Variants in ZNF469 observed in about 807,000 individuals in gnomAD.
ZNF469 encodes the protein zinc finger protein 469.
ZNF469 carries 1 observed loss-of-function variant against 1.0 expected under a neutral mutation model. The ratio of observed to expected loss-of-function variants is 1.00; its 90% CI spans 0.35 to 4.73. The LOEUF is 4.73. Among genes scored for constraint, ZNF469 ranks in the 30% most tolerant of loss-of-function variants. The pLI is 0.16. For synonymous variants in ZNF469, 2,703 were observed against 2,363.4 expected, an observed-to-expected ratio of 1.14 and a Z score of -4.17; for missense variants, 6,100 against 5,356.3, an observed-to-expected ratio of 1.14 and a Z score of -4.33.
the ZNF469 span, among the ~76,000 whole-genome samples, chr16:88,116,408 G>C: frequency 3.2e-4 from 48 of 152,208 alleles, no homozygotes; most frequent in Non-Finnish European, 2.4e-4. Flanking sequence ...TTGCTGGCAG[G>C]AATGCAAATG....
At chr16:88,247,634 G>A in the ZNF469 span, among the ~76,000 whole-genome samples, 2 of 151,166 alleles carry the variant, frequency 1.3e-5, no homozygotes, top group African/African-American at 2.4e-5. Flanking sequence ...ATGAGTGAGA[G>A]TGAATGAGTG....
At chr16:88,180,201 A>C in the ZNF469 span, among the ~76,000 whole-genome samples, 9 of 152,242 alleles carry the variant, frequency 5.9e-5, no homozygotes, top group Admixed American at 5.9e-4. Flanking sequence ...GACAAATACA[A>C]AATAAATGTC....
the ZNF469 span, among the ~76,000 whole-genome samples, chr16:88,322,830 C>T: frequency 1.3e-5 from 2 of 152,206 alleles, no homozygotes; most frequent in Non-Finnish European, 2.9e-5. Flanking sequence ...TGGCCCAGGA[C>T]TTGGGGGCCA....
At position 88,434,902 on chromosome 16, in the gene ZNF469, G is replaced by T. The variant is rs528848596; in HGVS notation, c.7432G>T (p.Ala2478Ser). ...TGGGCCTGTGACCTGTGAGGTCTGC[G>T]CAGCCTCCTTCCGCTCCGGGCCGGG... ...PHGPVTCEVC[A>S]ASFRSGPGLS... Residue 2478 changes from alanine (A) to serine (S), a missense_variant, in exon 3 of 3, where the codon GCA (alanine) becomes TCA (serine). By Grantham distance (99) the Ala-to-Ser change is moderately conservative. Transcript: ENST00000565624. The T allele has an allele frequency of 3.2e-6, 5 of 1,550,286 alleles. No homozygotes were observed. The highest frequency in any genetic ancestry group is 1.2e-5 in the South Asian group (1 of 84,064).
chr16:88,387,067 C>T (rs1904349861), intron 1 of ZNF469, among the ~76,000 whole-genome samples: 1 of 152,288 alleles, frequency 6.6e-6, no homozygotes, highest in African/African-American at 2.4e-5. Context: ...AGTCTATACT[C>T]TGCTTGTCGG....
rs1453263274 is a variant in ZNF469 at position 88,431,261 on chromosome 16, T to C, written c.3791T>C (p.Ile1264Thr). 1.3e-6 allele frequency: 2 copies of C among 1,550,192 alleles called. No individual in the cohort carries two copies. Among genetic ancestry groups the C allele is most frequent in the Non-Finnish European group, 1.7e-6 (2 of 1,146,960 alleles). Reference sequence around the variant, plus strand: ...ATGGGAGCAAGCCCCGGTCTCCTGATACCAGAGCAGCCGCCGCCCAGCAGA... The same window carrying C: ...ATGGGAGCAAGCCCCGGTCTCCTGACACCAGAGCAGCCGCCGCCCAGCAGA... ...GEMGASPGLL[I>T]PEQPPPSRHD... Residue 1264 changes from isoleucine (I) to threonine (T), a missense_variant, in exon 3 of 3, where the codon ATA becomes ACA. Ile to Thr is a moderately conservative substitution (Grantham distance 89). Coordinates refer to ENST00000565624, the MANE Select transcript of ZNF469 (RefSeq NM_001367624.2).
At chr16:88,151,734 C>T in the ZNF469 span, among the ~76,000 whole-genome samples, 5 of 152,208 alleles carry the variant, frequency 3.3e-5, no homozygotes, top group Admixed American at 6.5e-5. This position sits in a 1 kb window ranked among gnomAD's most constrained non-coding sequence, Gnocchi z 5.4. Flanking sequence ...ACCTGCTGGT[C>T]GAGAAGGATC....
chr16:88,396,098 G>T (rs1409386571), intron 1 of ZNF469, among the ~76,000 whole-genome samples: 1 of 152,250 alleles, frequency 6.6e-6, no homozygotes, highest in Non-Finnish European at 1.5e-5. Context: ...CTCTCAGTGT[G>T]ACGGTCAAGC....
At chr16:88,108,071 T>G in the ZNF469 span, among the ~76,000 whole-genome samples, 1 of 152,016 alleles carries the variant, frequency 6.6e-6, no homozygotes, top group Non-Finnish European at 1.5e-5. Flanking sequence ...TTTTGTGCCC[T>G]TCTCTTTGAA....
At chr16:88,407,376 G>A (rs1905052040) in intron 1 of ZNF469, among the ~76,000 whole-genome samples, 1 of 152,252 alleles carries the variant, frequency 6.6e-6, no homozygotes, top group South Asian at 2.1e-4. Context: ...TTACGCGAAG[G>A]AAGGAGCAAG....
At chr16:88,349,669 A>T in the ZNF469 span, among the ~76,000 whole-genome samples, 1 of 147,208 alleles carries the variant, frequency 6.8e-6, no homozygotes, top group African/African-American at 2.5e-5. Context: ...TACACACTGC[A>T]CCCAAGTGCA....
rs1222110153 is a variant in ZNF469 at position 88,439,795 on chromosome 16, AC to A, written c.*465del. On this transcript the variant is annotated 3_prime_UTR_variant, in exon 3 of 3. Coordinates refer to ENST00000565624, the MANE Select transcript of ZNF469 (RefSeq NM_001367624.2). ...CTGCTGTTGCTGGAATTCCAAAGTG[AC>A]CTTAGAAACCACGTGGGGGAAGGCA... 4.3e-6 allele frequency: 1 copy of A among 231,868 alleles called. No homozygotes were observed. Among genetic ancestry groups the A allele is most frequent in the Non-Finnish European group, 8.5e-6 (1 of 117,518 alleles). The allele number at this position is 231,868 out of a possible 1,614,324, so 14.4% of individuals were successfully genotyped here. A position where few individuals can be genotyped will look rare whatever the true frequency, so the allele number is the denominator to read the frequency against.
At chr16:88,331,004 C>T in the ZNF469 span, among the ~76,000 whole-genome samples, 5 of 151,880 alleles carry the variant, frequency 3.3e-5, no homozygotes, top group African/African-American at 4.8e-5. Flanking sequence ...TCACCACCAT[C>T]GTCACCATCA....
chr16:88,351,027 C>T, the ZNF469 span, among the ~76,000 whole-genome samples: 81 of 152,370 alleles, frequency 5.3e-4, 2 homozygotes, highest in South Asian at 3.3e-3. Context: ...GCAAGGCGAC[C>T]TGCCGCGCTC....
chr16:88,378,983 A>G (rs570582540), upstream of ZNF469, among the ~76,000 whole-genome samples: 8 of 152,282 alleles, frequency 5.3e-5, no homozygotes, highest in South Asian at 1.7e-3. Flanking sequence ...GGTTGTCAGG[A>G]TGGACGGGTG....
the ZNF469 span, among the ~76,000 whole-genome samples, chr16:88,174,470 C>CTGTG: frequency 1.7e-5 from 1 of 60,204 alleles, no homozygotes; most frequent in East Asian, 1.1e-3. Flanking sequence ...TGTCGTCTGT[C>CTGTG]TGTCTGTCTA....
At chr16:88,163,632 GGA>G in the ZNF469 span, among the ~76,000 whole-genome samples, 1 of 151,452 alleles carries the variant, frequency 6.6e-6, no homozygotes, top group East Asian at 1.9e-4. Flanking sequence ...ATGGATGGAT[GGA>G]TGGATGGATG....
chr16:88,232,077 C>T, the ZNF469 span, among the ~76,000 whole-genome samples: 1 of 152,062 alleles, frequency 6.6e-6, no homozygotes, highest in Non-Finnish European at 1.5e-5. Context: ...AGGGCGGGCG[C>T]GAGGAGGGTA....
At chr16:88,325,066 A>C in the ZNF469 span, among the ~76,000 whole-genome samples, 1 of 152,086 alleles carries the variant, frequency 6.6e-6, no homozygotes, top group Admixed American at 6.5e-5. Context: ...ATATCCTTCC[A>C]GCAGCTTCTG....
Sources: gnomAD v4.1 joint callset for allele counts (sites outside exome capture counted in the v4.1 genomes callset) on GRCh38, gnomAD v4.1.1 for gene constraint, Gnocchi (gnomAD v3.1) non-coding constraint, MANE v1.5 for transcripts, NCBI Gene and HGNC (gene_info 2026-07-23, HGNC 2026-07-21) for gene names.